KCNQ1: variants seen among roughly 807,000 people sequenced by gnomAD.
KCNQ1 encodes the protein potassium voltage-gated channel subfamily Q member 1, also known as potassium voltage-gated channel subfamily KQT member 1.
In KCNQ1, 49 loss-of-function variants were observed where a neutral mutation model predicts 72.4. The ratio of observed to expected loss-of-function variants is 0.68; its 90% CI spans 0.54 to 0.86. The LOEUF is 0.86. KCNQ1 is among the 40% of genes least tolerant of loss of function. The probability of loss-of-function intolerance (pLI) is 0.00; values close to 1 mark genes in which losing one functional copy is unlikely to be tolerated. For synonymous variants in KCNQ1, 450 were observed against 412.6 expected, an observed-to-expected ratio of 1.09 and a Z score of -1.10; for missense variants, 790 against 945.1, an observed-to-expected ratio of 0.84 and a Z score of 2.15.
In KCNQ1 at chr11:2,671,625, A is replaced by G; in HGVS notation, c.1514+9544A>G. The stretch of plus-strand genomic sequence containing the variant: ...GCACCCTAAGTATAAACCTTGCCAC[A>G]GCAGTGTCCTGTGGTGCCCTGCTGG... On this transcript the variant is annotated intron_variant, in intron 11 of 15. Transcript: ENST00000155840. This position sits in a 1 kb window ranked among gnomAD's most constrained non-coding sequence, Gnocchi z 4.7. 1 of 398,618 alleles carries G rather than the reference A, an allele frequency of 2.5e-6. No individual in the cohort carries two copies. Among genetic ancestry groups the G allele is most frequent in the Non-Finnish European group, 4.4e-6 (1 of 226,064 alleles). 24.7% of individuals were successfully genotyped at this position (398,618 alleles called of 1,614,324 possible). A position where few individuals can be genotyped will look rare whatever the true frequency, so the allele number is the denominator to read the frequency against.
At chr11:2,582,715 G>A (rs776744642) in intron 6 of KCNQ1, among the ~76,000 whole-genome samples, 1 of 152,200 alleles carries the variant, frequency 6.6e-6, no homozygotes, top group African/African-American at 2.4e-5. Flanking sequence ...GTTGGGCTCA[G>A]CGCCAGCTCC....
chr11:2,632,843 A>G (rs1054799346), intron 10 of KCNQ1: 3 of 398,308 alleles, frequency 7.5e-6, no homozygotes, highest in African/African-American at 6.2e-5. Flanking sequence ...AGTTGATTCC[A>G]TATCTTAACT....
At position 2,612,408 on chromosome 11, in the gene KCNQ1, C is replaced by G; in HGVS notation, c.1393+23554C>G. On this transcript the variant is annotated intron_variant, in intron 10 of 15. Coordinates refer to ENST00000155840, the MANE Select transcript of KCNQ1 (RefSeq NM_000218.3). The surrounding 1 kb of genome is among the most constrained non-coding windows in gnomAD (Gnocchi z 5.5). ...TTGGGGACCACTATATTATGGTATC[C>G]AATGGGTATCTCTTCATTTTTCTTC... 1 of 398,626 alleles carries G rather than the reference C, an allele frequency of 2.5e-6. No individual in the cohort carries two copies. The highest frequency in any genetic ancestry group is 4.4e-6 in the Non-Finnish European group (1 of 226,068). 24.7% of individuals were successfully genotyped at this position (398,626 alleles called of 1,614,324 possible).
chr11:2,610,749 T>C (rs946905036), intron 10 of KCNQ1: 1 of 383,954 alleles, frequency 2.6e-6, no homozygotes, highest in African/African-American at 2.2e-5. Flanking sequence ...TTTTTTTACT[T>C]TGAGCACTTG....
intron 5 of KCNQ1, among the ~76,000 whole-genome samples, chr11:2,572,628 G>C (rs961386229): frequency 3.9e-5 from 6 of 152,322 alleles, no homozygotes; most frequent in Admixed American, 3.9e-4. Context: ...GGCCTAGGGC[G>C]ACCCCAGGGC....
At chr11:2,771,895 G>C (rs866211535) in intron 12 of KCNQ1, among the ~76,000 whole-genome samples, 6 of 152,286 alleles carry the variant, frequency 3.9e-5, no homozygotes, top group Admixed American at 6.5e-5. Flanking sequence ...ACACAGGCCG[G>C]GACCCTGAGA....
Position 2,733,773 on chromosome 11 carries a change from TCCACACACACAC to T in KCNQ1, c.1515-35070_1515-35059del, listed in dbSNP as rs1395896387. Among the ~76,000 whole-genome samples, 14 of 59,080 alleles carry T rather than the reference TCCACACACACAC, an allele frequency of 2.4e-4. No homozygotes were observed. In the East Asian group the frequency reaches 5.4e-3, roughly 23 times the overall value. The allele number at this position is 59,080 out of a possible 152,430, so 38.8% of individuals were successfully genotyped here. ...CGGGCAGGAGGGGGACTTCAGGCCTTCCACACACACACACACACACACACACACACACACACA... is the reference window on the plus strand; with the variant it reads ...CGGGCAGGAGGGGGACTTCAGGCCTTACACACACACACACACACACACACA... On this transcript the variant is annotated intron_variant, in intron 11 of 15. Coordinates refer to ENST00000155840, the MANE Select transcript of KCNQ1 (RefSeq NM_000218.3).
intron 15 of KCNQ1, among the ~76,000 whole-genome samples, chr11:2,846,487 T>C (rs1222678951): frequency 1.3e-5 from 2 of 152,216 alleles, no homozygotes; most frequent in African/African-American, 4.8e-5. Context: ...CCCTGTCTCC[T>C]GTGGCCACCA....
chr11:2,760,101 GC>G (rs989044359), intron 11 of KCNQ1, among the ~76,000 whole-genome samples: 2 of 152,226 alleles, frequency 1.3e-5, no homozygotes, highest in African/African-American at 2.4e-5. Flanking sequence ...TGTGGCGCTG[GC>G]CCCTTGGGCA....
chr11:2,609,927 A>G (rs1315449222), intron 10 of KCNQ1: 2 of 398,008 alleles, frequency 5.0e-6, no homozygotes, highest in Non-Finnish European at 8.9e-6. Flanking sequence ...CCTCATATAG[A>G]TGGAATACAG....
chr11:2,546,094 A>C (rs1262898447), intron 2 of KCNQ1, among the ~76,000 whole-genome samples: 3 of 151,816 alleles, frequency 2.0e-5, no homozygotes, highest in Admixed American at 6.6e-5. Context: ...ATTGAATAGA[A>C]ATTTTTTTTT....
Position 2,445,395 on chromosome 11 carries a change from G to A in KCNQ1, c.297G>A (p.Pro99=). The change falls in exon 1 of 16, where the codon CCG becomes CCA. Residue 99 remains proline (P), a synonymous_variant. Coordinates refer to ENST00000155840, the MANE Select transcript of KCNQ1 (RefSeq NM_000218.3). ...TCTCCATCTACAGCACGCGCCGCCC[G>A]GTGTTGGCGCGCACCCACGTCCAGG... ...PRVSIYSTRR[P]VLARTHVQGR... is the part of the protein sequence containing the mutation. 1 of 1,597,878 alleles carries A rather than the reference G, an allele frequency of 6.3e-7. No individual in the cohort carries two copies. Among genetic ancestry groups the A allele is most frequent in the Non-Finnish European group, 8.5e-7 (1 of 1,179,678 alleles).
At chr11:2,533,760 G>C (rs1410170331) in intron 2 of KCNQ1, among the ~76,000 whole-genome samples, 2 of 152,224 alleles carry the variant, frequency 1.3e-5, no homozygotes, top group Non-Finnish European at 2.9e-5. Flanking sequence ...TGCAGTAAGA[G>C]ACCCTGCCCT....
Position 2,695,003 on chromosome 11 carries a change from T to A in KCNQ1, c.1514+32922T>A, listed in dbSNP as rs993554640. 2.5e-6 allele frequency: 1 copy of A among 398,570 alleles called. No individual in the cohort carries two copies. Among genetic ancestry groups the A allele is most frequent in the South Asian group, 1.3e-4 (1 of 7,866 alleles). The allele number at this position is 398,570 out of a possible 1,614,324, so 24.7% of individuals were successfully genotyped here. ...GAAGGCTGGCAGAGCCAAAGCTCAG[T>A]GAGGGAGGACAGTGGTCAGAGAGGT... On this transcript the variant is annotated intron_variant, in intron 11 of 15. Transcript: ENST00000155840. The surrounding 1 kb of genome is among the most constrained non-coding windows in gnomAD (Gnocchi z 5.2).
At chr11:2,741,694 G>A (rs955290583) in intron 11 of KCNQ1, among the ~76,000 whole-genome samples, 1 of 152,226 alleles carries the variant, frequency 6.6e-6, no homozygotes, top group African/African-American at 2.4e-5. Flanking sequence ...CCATCGCTGT[G>A]AGTGGGGGCA....
At position 2,746,679 on chromosome 11, in the gene KCNQ1, A is replaced by T. The variant is rs937261253; in HGVS notation, c.1515-22165A>T. ...TCTCATCGCCCTGTTCCGAGGGCCC[A>T]TCCTGTCGGTGTGGCTCGTCATGGG... is the stretch of plus-strand genomic sequence containing the variant. On this transcript the variant is annotated intron_variant, in intron 11 of 15. Transcript: ENST00000155840. The surrounding 1 kb of genome is among the most constrained non-coding windows in gnomAD (Gnocchi z 5.9). 3.9e-5 allele frequency among the ~76,000 whole-genome samples: 6 copies of T among 152,336 alleles called. No individual in the cohort carries two copies. Among genetic ancestry groups the T allele is most frequent in the African/African-American group, 1.4e-4 (6 of 41,576 alleles).
chr11:2,604,305 C>T (rs1848848767), intron 10 of KCNQ1, among the ~76,000 whole-genome samples: 1 of 151,244 alleles, frequency 6.6e-6, no homozygotes, highest in Non-Finnish European at 1.5e-5. Context: ...TGGTGAAACC[C>T]CATCTCTACT....
At chr11:2,792,131 C>T (rs1847039250) in intron 15 of KCNQ1, among the ~76,000 whole-genome samples, 1 of 152,200 alleles carries the variant, frequency 6.6e-6, no homozygotes, top group Admixed American at 6.5e-5. Context: ...CCTCCGCCAC[C>T]CCTGCAGGCC....
In KCNQ1 at chr11:2,796,974, A is replaced by G. The variant is rs970575846; in HGVS notation, c.1794+18937A>G. On this transcript the variant is annotated intron_variant, in intron 15 of 15. Transcript: ENST00000155840. ...TCCCGGGCCTAACCCCCCAAGGGCC[A>G]GAGAGGCGAAATTAGATCCGTGGGG... 1.4e-4 allele frequency among the ~76,000 whole-genome samples: 22 copies of G among 152,370 alleles called. No individual in the cohort carries two copies. The East Asian group carries it at 4.2e-3, about 29-fold the overall frequency.
Sources: allele counts gnomAD v4.1 joint callset (sites outside exome capture counted in the v4.1 genomes callset), GRCh38; gene constraint gnomAD v4.1.1; non-coding constraint Gnocchi (gnomAD v3.1); transcripts MANE v1.5; gene names NCBI Gene and HGNC (gene_info 2026-07-23, HGNC 2026-07-21).